The following RNF169 variants were observed in gnomAD, a reference collection of about 807,000 sequenced individuals.
RNF169 encodes the protein ring finger protein 169.
RNF169 carries 24 observed loss-of-function variants against 53.9 expected under a neutral mutation model. The observed-to-expected ratio is 0.45, with a 90% CI of 0.32 to 0.63. RNF169 has a LOEUF of 0.63. Ranked by LOEUF, RNF169 falls within the 20% of genes least tolerant of loss-of-function variation. The pLI is 0.04. For synonymous variants in RNF169, 396 were observed against 363.5 expected (o/e 1.09, Z -1.02); for missense variants, 883 against 906.2 (o/e 0.97, Z 0.33).
intron 2 of RNF169, among the ~76,000 whole-genome samples, chr11:74,799,123 CTTT>C (rs1377077765): frequency 8.4e-6 from 1 of 119,176 alleles, no homozygotes; most frequent in Non-Finnish European, 1.8e-5. Context: ...ATTTTTTCTT[CTTT>C]CTTTTGAAAT....
intron 4 of RNF169, among the ~76,000 whole-genome samples, chr11:74,833,729 T>C (rs962647052): frequency 2.0e-5 from 3 of 152,122 alleles, no homozygotes; most frequent in Admixed American, 6.5e-5. Flanking sequence ...CAGACATATA[T>C]TTAGGCAAGA....
At position 74,749,097 on chromosome 11, in the gene RNF169, G is replaced by A; in HGVS notation, c.217G>A (p.Glu73Lys). ...GGAATCGGGCTGCGCCGGGTGCCTG[G>A]AGCCCCCCGGAGAAGCAGCGGCCCT... ...PEESGCAGCLEPPGEAAALPC... is the reference protein window; with the variant it reads ...PEESGCAGCLKPPGEAAALPC... Residue 73 changes from glutamate to lysine, a missense_variant, in exon 1 of 6, where the codon GAG (glutamate) becomes AAG (lysine). By Grantham distance (56) the Glu-to-Lys change is moderately conservative (BLOSUM62 1). Transcript: ENST00000299563. 1 of 1,428,932 alleles carries A rather than the reference G, an allele frequency of 7.0e-7. No individual in the cohort carries two copies. Among genetic ancestry groups the A allele is most frequent in the Non-Finnish European group, 9.2e-7 (1 of 1,089,542 alleles). 88.5% of individuals were successfully genotyped at this position (1,428,932 alleles called of 1,614,324 possible).
intron 1 of RNF169, among the ~76,000 whole-genome samples, chr11:74,786,244 CTT>C (rs140407738): frequency 1.7e-4 from 22 of 131,302 alleles, no homozygotes; most frequent in Admixed American, 3.1e-4. Flanking sequence ...TGGCCTGTTT[CTT>C]TTTTTTTTTT....
intron 1 of RNF169, among the ~76,000 whole-genome samples, chr11:74,773,432 G>C (rs573516040): frequency 6.6e-6 from 1 of 152,062 alleles, no homozygotes; most frequent in South Asian, 2.1e-4. Context: ...TAGCATTTAG[G>C]ATAATATAAA....
Position 74,779,220 on chromosome 11 carries a change from A to G in RNF169, c.503-10406A>G, listed in dbSNP as rs1160127209. Among the ~76,000 whole-genome samples the G allele has an allele frequency of 3.9e-5, 6 of 152,204 alleles. No individual in the cohort carries two copies. The East Asian group carries it at 1.2e-3, about 29-fold the overall frequency. On this transcript the variant is annotated intron_variant, in intron 1 of 5. Transcript: ENST00000299563. ...ATTAAATTACTAGATCAGATGTTAC[A>G]TAGCATTTCATAAGTTCTTGTGTGG...
intron 2 of RNF169, among the ~76,000 whole-genome samples, chr11:74,808,518 C>T (rs1161210974): frequency 1.3e-5 from 2 of 152,226 alleles, no homozygotes; most frequent in African/African-American, 4.8e-5. Context: ...TGGTTGAGAA[C>T]TGCTGAGATA....
intron 1 of RNF169, among the ~76,000 whole-genome samples, chr11:74,768,902 G>A (rs1376044844): frequency 4.6e-5 from 7 of 151,360 alleles, no homozygotes; most frequent in African/African-American, 1.7e-4. Context: ...AAAAATTTAG[G>A]CAGGCATGGT....
chr11:74,814,297 T>C (rs1336710014), intron 3 of RNF169, among the ~76,000 whole-genome samples: 1 of 150,450 alleles, frequency 6.6e-6, no homozygotes, highest in African/African-American at 2.4e-5. Flanking sequence ...GCTACTATAC[T>C]CCAGCCTGGG....
rs750547870 is a variant in RNF169, at chr11:74,748,937, G to C, written c.57G>C (p.Leu19=). 16 of 1,472,002 alleles carry C rather than the reference G, an allele frequency of 1.1e-5. No individual in the cohort carries two copies. Among genetic ancestry groups the C allele is most frequent in the Non-Finnish European group, 1.5e-5 (16 of 1,101,908 alleles). The allele number at this position is 1,472,002 out of a possible 1,614,324, so 91.2% of individuals were successfully genotyped here. The change falls in exon 1 of 6, where the codon CTG becomes CTC. Residue 19 remains leucine, a synonymous_variant. Coordinates refer to ENST00000299563, the MANE Select transcript of RNF169 (RefSeq NM_001098638.2). ...CTTCCGCGGCGGCAGCAGCCGCTCT[G>C]AGTCGGCGGGGCCGGCGGGGCCGCT... ...RASSAAAAAA[L]SRRGRRGRCD... is the part of the protein sequence containing the mutation.
At chr11:74,797,510 G>T (rs574340372) in intron 2 of RNF169, among the ~76,000 whole-genome samples, 4 of 152,266 alleles carry the variant, frequency 2.6e-5, no homozygotes, top group South Asian at 4.1e-4. Context: ...AGATAGATCT[G>T]TTTGTTTTAG....
chr11:74,785,198 ATATATATATATGATATATATATGT>A (rs1346676199), intron 1 of RNF169, among the ~76,000 whole-genome samples: 27 of 63,866 alleles, frequency 4.2e-4, no homozygotes, highest in Non-Finnish European at 5.5e-4. Flanking sequence ...TATATATATG[ATATATATATATGATATATATATGT>A]TATATATATT....
chr11:74,758,283 A>G, intron 1 of RNF169, among the ~76,000 whole-genome samples: 1 of 141,730 alleles, frequency 7.1e-6, no homozygotes, highest in Non-Finnish European at 1.5e-5. Context: ...TGTTTTTCTC[A>G]GGTTTGTCAA....
At chr11:74,765,817 A>C (rs2035165189) in intron 1 of RNF169, among the ~76,000 whole-genome samples, 1 of 148,486 alleles carries the variant, frequency 6.7e-6, no homozygotes, top group Admixed American at 6.6e-5. Context: ...AAAAAAAAAA[A>C]AACAAAAACA....
intron 3 of RNF169, among the ~76,000 whole-genome samples, chr11:74,811,370 T>C (rs1386776806): frequency 6.6e-6 from 1 of 152,162 alleles, no homozygotes; most frequent in African/African-American, 2.4e-5. Flanking sequence ...GCCTCCCAAG[T>C]ATCTGGGACT....
chr11:74,832,307 T>C (rs886878366), intron 4 of RNF169: 12 of 151,456 alleles, frequency 7.9e-5, no homozygotes, highest in Admixed American at 7.2e-4. Context: ...TTTTTTTTTT[T>C]CTTCATTGCA....
At chr11:74,756,882 C>A (rs2034991934) in intron 1 of RNF169, among the ~76,000 whole-genome samples, 2 of 152,116 alleles carry the variant, frequency 1.3e-5, no homozygotes, top group African/African-American at 2.4e-5. Flanking sequence ...AGATCACTCC[C>A]ATGGGAGTGT....
chr11:74,750,581 C>A (rs1476240355), intron 1 of RNF169, among the ~76,000 whole-genome samples: 1 of 146,052 alleles, frequency 6.8e-6, no homozygotes, highest in Admixed American at 7.3e-5. Context: ...CTTGTCACTC[C>A]CCTCACCTTT....
intron 1 of RNF169, among the ~76,000 whole-genome samples, chr11:74,777,026 G>A (rs1007301086): frequency 6.6e-6 from 1 of 152,184 alleles, no homozygotes; most frequent in Non-Finnish European, 1.5e-5. Flanking sequence ...AGAAAGGGAA[G>A]CAATGTTAAA....
chr11:74,826,843 C>T (rs1202909703), intron 4 of RNF169, among the ~76,000 whole-genome samples: 1 of 152,220 alleles, frequency 6.6e-6, no homozygotes, highest in Non-Finnish European at 1.5e-5. Context: ...AGGTGGGCTC[C>T]CAGGGCCTTG....
Sources: allele counts gnomAD v4.1 joint callset (sites outside exome capture counted in the v4.1 genomes callset), GRCh38; gene constraint gnomAD v4.1.1; transcripts MANE v1.5; gene names NCBI Gene and HGNC (gene_info 2026-07-23, HGNC 2026-07-21).